The following SNX29 variants were observed in gnomAD, a reference collection of about 807,000 sequenced individuals.
SNX29 encodes sorting nexin 29.
In SNX29, 78 loss-of-function variants were observed where a neutral mutation model predicts 102.1. The ratio of observed to expected loss-of-function variants is 0.76; its 90% confidence interval spans 0.64 to 0.92. The LOEUF (loss-of-function observed/expected upper bound fraction) is 0.92. Ranked by LOEUF, SNX29 falls within the 40% of genes least tolerant of loss-of-function variation. SNX29 has a pLI of 0.00. For missense variants in SNX29, 1,280 were observed against 1,061.7 expected (o/e 1.21, Z -2.86); for synonymous variants, 580 against 414.5 (o/e 1.40, Z -4.85).
At chr16:12,002,649 G>A (rs1240362450) in intron 2 of SNX29, among the ~76,000 whole-genome samples, 2 of 152,218 alleles carry the variant, frequency 1.3e-5, no homozygotes, top group African/African-American at 4.8e-5. Context: ...GTGAAGAGCT[G>A]TGTGTGGTAG....
chr16:12,012,887 C>T (rs897308789), intron 3 of SNX29, among the ~76,000 whole-genome samples: 6 of 151,932 alleles, frequency 3.9e-5, no homozygotes, highest in Non-Finnish European at 7.4e-5. Flanking sequence ...TCCCTAAAAT[C>T]GTGTCATGTA....
intron 20 of SNX29, chr16:12,560,620 T>C (rs1024991645): frequency 6.5e-6 from 1 of 153,294 alleles, no homozygotes; most frequent in East Asian, 1.9e-4. Flanking sequence ...ACAGCTGCCT[T>C]GTCACATCCC....
chr16:12,499,730 G>A (rs2089015044), intron 19 of SNX29, among the ~76,000 whole-genome samples: 1 of 152,146 alleles, frequency 6.6e-6, no homozygotes, highest in South Asian at 2.1e-4. Context: ...CTGGAGTTCG[G>A]TGGCACAATC....
At chr16:12,566,413 T>TA (rs1555464502) in intron 20 of SNX29, among the ~76,000 whole-genome samples, 3 of 68,314 alleles carry the variant, frequency 4.4e-5, no homozygotes, top group Non-Finnish European at 8.8e-5. Context: ...CAGAGCCTGT[T>TA]ACCTCCAGGG....
intron 20 of SNX29, among the ~76,000 whole-genome samples, chr16:12,545,942 T>A (rs541232372): frequency 6.6e-6 from 1 of 152,252 alleles, no homozygotes; most frequent in Admixed American, 6.5e-5. Context: ...TTATGTATTA[T>A]CCTGACAACT....
chr16:12,009,208 T>C (rs1366352730), intron 3 of SNX29, among the ~76,000 whole-genome samples: 2 of 152,122 alleles, frequency 1.3e-5, no homozygotes, highest in Non-Finnish European at 2.9e-5. Context: ...TAATAGTACA[T>C]ATCCTTACAC....
At chr16:12,492,547 T>G (rs535455760) in intron 19 of SNX29, among the ~76,000 whole-genome samples, 27 of 152,268 alleles carry the variant, frequency 1.8e-4, no homozygotes, top group South Asian at 1.0e-3. Flanking sequence ...AGATCCCATT[T>G]GTCAATTTTG....
intron 16 of SNX29, among the ~76,000 whole-genome samples, chr16:12,390,182 A>G (rs78525890): frequency 6.3e-4 from 61 of 97,506 alleles, no homozygotes; most frequent in African/African-American, 1.6e-3. Context: ...GTGTGTGTGT[A>G]TGTATATGTA....
chr16:12,272,490 A>C (rs577955486), intron 14 of SNX29, among the ~76,000 whole-genome samples: 1 of 152,180 alleles, frequency 6.6e-6, no homozygotes, highest in African/African-American at 2.4e-5. Flanking sequence ...GGTGCCTGCC[A>C]AGGTATCTGT....
At chr16:12,177,661 C>T (rs546695481) in intron 13 of SNX29, among the ~76,000 whole-genome samples, 2 of 152,346 alleles carry the variant, frequency 1.3e-5, no homozygotes, top group East Asian at 3.9e-4. Flanking sequence ...TTCACCCACC[C>T]ACCTATGCAA....
chr16:12,558,597 G>A (rs758541480), intron 20 of SNX29, among the ~76,000 whole-genome samples: 33 of 152,274 alleles, frequency 2.2e-4, no homozygotes, highest in Non-Finnish European at 4.3e-4. Flanking sequence ...GTCACTCTCT[G>A]CCACAGCTGC....
chr16:12,083,812 C>G (rs761659209), intron 11 of SNX29, among the ~76,000 whole-genome samples: 3 of 152,330 alleles, frequency 2.0e-5, no homozygotes, highest in South Asian at 2.1e-4. Context: ...CACAAAGCAG[C>G]GAATGCTTCA....
intron 18 of SNX29, among the ~76,000 whole-genome samples, chr16:12,425,484 G>C (rs1041352673): frequency 1.4e-5 from 2 of 142,004 alleles, no homozygotes; most frequent in African/African-American, 2.6e-5. Context: ...TCCATTGCAC[G>C]CTGATTCAGT....
At chr16:12,032,709 A>G (rs2057378475) in intron 4 of SNX29, among the ~76,000 whole-genome samples, 1 of 152,012 alleles carries the variant, frequency 6.6e-6, no homozygotes, top group South Asian at 2.1e-4. Flanking sequence ...GTTGGATCAT[A>G]TGATAATTCT....
In SNX29 at chr16:12,027,353, C is replaced by G. The variant is rs372472396; in HGVS notation, c.156C>G (p.Val52=). 40 of 1,613,988 alleles carry G rather than the reference C, an allele frequency of 2.5e-5. No individual in the cohort carries two copies. Among genetic ancestry groups the G allele is most frequent in the Non-Finnish European group, 3.3e-5 (39 of 1,180,004 alleles). Residue 52 remains valine (V), a synonymous_variant, in exon 4 of 21, where the codon GTC becomes GTG. Transcript: ENST00000566228. The part of the protein sequence containing the change: ...VTCLCAQFEA[V]LQHGLKRSRG... ...GTCTGTGTGCCCAGTTTGAAGCCGT[C>G]CTGCAGCATGGCTTGAAGAGGAGTC...
chr16:12,448,032 C>T (rs545793662), intron 18 of SNX29, among the ~76,000 whole-genome samples: 8 of 152,242 alleles, frequency 5.3e-5, no homozygotes, highest in South Asian at 2.1e-4. Context: ...GTGGCGTTCC[C>T]GGGATTGTGC....
intron 14 of SNX29, among the ~76,000 whole-genome samples, chr16:12,276,254 C>T (rs1277988564): frequency 1.3e-5 from 2 of 152,136 alleles, no homozygotes; most frequent in Non-Finnish European, 2.9e-5. Context: ...TGTTCAGGCT[C>T]TCATCTTTAC....
chr16:12,465,888 A>T (rs1346984761), intron 18 of SNX29, among the ~76,000 whole-genome samples: 3 of 151,762 alleles, frequency 2.0e-5, no homozygotes, highest in Non-Finnish European at 2.9e-5. Context: ...TTAAGCATAT[A>T]GATATTTCAC....
intron 11 of SNX29, among the ~76,000 whole-genome samples, chr16:12,107,184 AC>A (rs1226096299): frequency 1.3e-5 from 2 of 152,122 alleles, no homozygotes; most frequent in Admixed American, 6.5e-5. Context: ...GCAAGGCTGC[AC>A]GTGAAGGCGA....
Sources: allele counts gnomAD v4.1 joint callset (sites outside exome capture counted in the v4.1 genomes callset), GRCh38; gene constraint gnomAD v4.1.1; transcripts MANE v1.5; gene names NCBI Gene and HGNC (gene_info 2026-07-23, HGNC 2026-07-21).